Variants in GALNTL6 observed in about 807,000 individuals in gnomAD.
The protein encoded by GALNTL6 is polypeptide N-acetylgalactosaminyltransferase like 6.
Under a neutral mutation model 73.7 loss-of-function variants are expected in GALNTL6, and 46 were observed. That is an observed-to-expected ratio of 0.62 (90% CI 0.49 to 0.80). The LOEUF is 0.80. GALNTL6 is among the 30% of genes least tolerant of loss of function. The pLI is 0.00. For missense variants in GALNTL6, 604 were observed against 755.0 expected (o/e 0.80, Z 2.34); for synonymous variants, 259 against 263.7 (o/e 0.98, Z 0.17).
intron 5 of GALNTL6, among the ~76,000 whole-genome samples, chr4:172,632,426 T>C (rs557469061): frequency 2.0e-5 from 3 of 152,176 alleles, no homozygotes; most frequent in Admixed American, 2.0e-4. Flanking sequence ...ATGAGGAACT[T>C]GCTGGGTACT....
chr4:172,206,222 T>G (rs1435526847), intron 2 of GALNTL6, among the ~76,000 whole-genome samples: 1 of 152,108 alleles, frequency 6.6e-6, no homozygotes, highest in Non-Finnish European at 1.5e-5. Context: ...CTAAATACTC[T>G]AATCCCCATA....
intron 5 of GALNTL6, among the ~76,000 whole-genome samples, chr4:172,543,122 T>TA (rs948940149): frequency 3.9e-5 from 6 of 152,006 alleles, no homozygotes; most frequent in African/African-American, 1.2e-4. Flanking sequence ...CTGTGCTATA[T>TA]AAAAATCATT....
intron 5 of GALNTL6, among the ~76,000 whole-genome samples, chr4:172,522,665 TCCCC>T (rs70944411): frequency 1.7e-5 from 1 of 59,382 alleles, no homozygotes; most frequent in Non-Finnish European, 2.9e-5. Context: ...TGAAACTCAG[TCCCC>T]CCCCCCCCCA....
At chr4:172,831,998 C>G (rs1157931771) in intron 7 of GALNTL6, among the ~76,000 whole-genome samples, 2 of 152,198 alleles carry the variant, frequency 1.3e-5, no homozygotes, top group African/African-American at 2.4e-5. Context: ...CTCTATGGTA[C>G]TTTGCCAGAG....
At chr4:172,452,622 A>G (rs1282195643) in intron 5 of GALNTL6, among the ~76,000 whole-genome samples, 1 of 152,194 alleles carries the variant, frequency 6.6e-6, no homozygotes, top group African/African-American at 2.4e-5. Flanking sequence ...TGAGTTTTGA[A>G]AATAGGTGAG....
At chr4:172,652,294 A>T (rs1740511222) in intron 5 of GALNTL6, among the ~76,000 whole-genome samples, 1 of 152,232 alleles carries the variant, frequency 6.6e-6, no homozygotes, top group South Asian at 2.1e-4. Flanking sequence ...GGTGATTTAA[A>T]AGTAAAATAG....
chr4:172,379,344 C>T (rs1012658939), intron 5 of GALNTL6, among the ~76,000 whole-genome samples: 2 of 151,956 alleles, frequency 1.3e-5, no homozygotes, highest in African/African-American at 4.8e-5. Context: ...TCCTGGCTAA[C>T]AAGGTGAAAC....
At chr4:171,936,672 A>G (rs192468480) in intron 2 of GALNTL6, among the ~76,000 whole-genome samples, 44 of 152,264 alleles carry the variant, frequency 2.9e-4, no homozygotes, top group African/African-American at 1.0e-3. Context: ...CAAATTATGT[A>G]AAAATGACAC....
chr4:172,281,086 A>G (rs1739033825), intron 3 of GALNTL6, among the ~76,000 whole-genome samples: 1 of 151,876 alleles, frequency 6.6e-6, no homozygotes, highest in African/African-American at 2.4e-5. Context: ...GGAGAATGGC[A>G]TGAACCTGGG....
intron 7 of GALNTL6, among the ~76,000 whole-genome samples, chr4:172,853,080 G>T (rs895557764): frequency 6.6e-6 from 1 of 152,216 alleles, no homozygotes; most frequent in Non-Finnish European, 1.5e-5. Flanking sequence ...CTGCAGGTCA[G>T]GAGTCTGAGC....
At chr4:172,261,787 A>G (rs1738267536) in intron 3 of GALNTL6, among the ~76,000 whole-genome samples, 1 of 151,420 alleles carries the variant, frequency 6.6e-6, no homozygotes, top group Non-Finnish European at 1.5e-5. Flanking sequence ...AAAGGTTTTG[A>G]TAATTTGTGT....
intron 2 of GALNTL6, among the ~76,000 whole-genome samples, chr4:172,019,083 C>A (rs926158517): frequency 1.3e-5 from 2 of 152,148 alleles, no homozygotes; most frequent in Non-Finnish European, 2.9e-5. Context: ...CACAGTTTTT[C>A]GCCTGTCTCA....
At chr4:172,623,663 C>T (rs1739049082) in intron 5 of GALNTL6, among the ~76,000 whole-genome samples, 2 of 152,038 alleles carry the variant, frequency 1.3e-5, no homozygotes, top group Admixed American at 6.6e-5. Context: ...ACTAATTTTC[C>T]AGCTTTCTTG....
intron 10 of GALNTL6, among the ~76,000 whole-genome samples, chr4:172,978,388 T>C (rs1463105138): frequency 6.6e-6 from 1 of 152,170 alleles, no homozygotes; most frequent in African/African-American, 2.4e-5. Flanking sequence ...TTCCATCATT[T>C]TGAGCAATAG....
intron 5 of GALNTL6, among the ~76,000 whole-genome samples, chr4:172,678,612 ATTTT>A (rs1560874748): frequency 6.6e-6 from 1 of 152,144 alleles, no homozygotes; most frequent in African/African-American, 2.4e-5. Context: ...AGTAATTACT[ATTTT>A]TATTTTACCA....
In GALNTL6 at chr4:171,853,012, ATTT is replaced by A. The variant is rs765984611; in HGVS notation, c.138+38316_138+38318del. Among the ~76,000 whole-genome samples the A allele has an allele frequency of 5.8e-4, 50 of 86,838 alleles. 1 individual carries two copies. The highest frequency in any genetic ancestry group is 2.0e-3 in the African/African-American group (42 of 21,478). 57.0% of individuals were successfully genotyped at this position (86,838 alleles called of 152,430 possible). A position where few individuals can be genotyped will look rare whatever the true frequency, so the allele number is the denominator to read the frequency against. ...CAGGCGCCGCCACCACGCCCGGCTA[ATTT>A]TTTTTTTTTTTTTTTTTTTTTGTAT... On this transcript the variant is annotated intron_variant, in intron 2 of 12. Transcript: ENST00000506823.
At chr4:172,745,190 G>A (rs1737035865) in intron 5 of GALNTL6, among the ~76,000 whole-genome samples, 1 of 146,780 alleles carries the variant, frequency 6.8e-6, no homozygotes, top group East Asian at 1.9e-4. Flanking sequence ...AAAGATAGTA[G>A]ACTGTAAAGT....
At chr4:172,714,004 G>T (rs1579380540) in intron 5 of GALNTL6, among the ~76,000 whole-genome samples, 1 of 152,110 alleles carries the variant, frequency 6.6e-6, no homozygotes, top group Non-Finnish European at 1.5e-5. Flanking sequence ...ATCACTTGAG[G>T]TCAGGAGTTC....
At chr4:172,300,077 A>G (rs1165317533) in intron 3 of GALNTL6, among the ~76,000 whole-genome samples, 2 of 152,194 alleles carry the variant, frequency 1.3e-5, no homozygotes, top group Non-Finnish European at 1.5e-5. Context: ...ATATATATTT[A>G]GGATAGTTAG....
Sources: allele counts gnomAD v4.1 joint callset (sites outside exome capture counted in the v4.1 genomes callset), GRCh38; gene constraint gnomAD v4.1.1; transcripts MANE v1.5; gene names NCBI Gene and HGNC (gene_info 2026-07-23, HGNC 2026-07-21).